Variants in AKAP19 observed in about 807,000 individuals in gnomAD.
AKAP19 encodes A-kinase anchoring protein 19, also known as small A-kinase anchoring protein.
the AKAP19 span, among the ~76,000 whole-genome samples, chr2:189,944,189 A>G: frequency 9.9e-5 from 15 of 152,138 alleles, no homozygotes; most frequent in East Asian, 1.9e-3. Context: ...GTAATCCCCA[A>G]TGCTGGAGCG....
chr2:190,114,034 C>T, the AKAP19 span, among the ~76,000 whole-genome samples: 1 of 151,940 alleles, frequency 6.6e-6, no homozygotes, highest in African/African-American at 2.4e-5. Context: ...TACTTTTATT[C>T]TTCTGTTGGT....
chr2:189,998,624 G>A, the AKAP19 span, among the ~76,000 whole-genome samples: 7 of 151,786 alleles, frequency 4.6e-5, no homozygotes, highest in African/African-American at 1.7e-4. Context: ...TTGGTGATTT[G>A]TTTCTTCTCT....
chr2:189,995,170 G>T, the AKAP19 span, among the ~76,000 whole-genome samples: 2 of 152,154 alleles, frequency 1.3e-5, no homozygotes, highest in Non-Finnish European at 2.9e-5. Flanking sequence ...TAAGTCCATT[G>T]TGTCTTTGTT....
chr2:189,934,048 C>T, the AKAP19 span, among the ~76,000 whole-genome samples: 151,585 of 152,228 alleles, frequency 1, 75,480 homozygotes, highest in East Asian at 1. Flanking sequence ...GTCATCTAAA[C>T]TCTTTGTAAG....
chr2:189,936,960 T>C, the AKAP19 span, among the ~76,000 whole-genome samples: 19 of 152,148 alleles, frequency 1.2e-4, no homozygotes, highest in African/African-American at 4.6e-4. Context: ...CCCCTGTCCC[T>C]GTCAGTGCAC....
At chr2:189,892,204 T>A in the AKAP19 span, among the ~76,000 whole-genome samples, 1 of 151,978 alleles carries the variant, frequency 6.6e-6, no homozygotes, top group African/African-American at 2.4e-5. Flanking sequence ...GAGGAGTTCG[T>A]TATTACCCAC....
chr2:190,026,651 A>G, the AKAP19 span, among the ~76,000 whole-genome samples: 1 of 152,180 alleles, frequency 6.6e-6, no homozygotes, highest in African/African-American at 2.4e-5. Flanking sequence ...GTACCTCCAA[A>G]TGACAGAATC....
At chr2:189,953,149 T>C in the AKAP19 span, among the ~76,000 whole-genome samples, 2 of 152,054 alleles carry the variant, frequency 1.3e-5, no homozygotes, top group Non-Finnish European at 2.9e-5. Flanking sequence ...AAGTCTGCAA[T>C]AGGGAAAGTG....
the AKAP19 span, among the ~76,000 whole-genome samples, chr2:190,111,146 A>C: frequency 1.3e-5 from 2 of 152,204 alleles, no homozygotes; most frequent in African/African-American, 4.8e-5. Flanking sequence ...ATACATGGGC[A>C]TAGCAAGGGG....
At chr2:190,002,421 G>A in the AKAP19 span, among the ~76,000 whole-genome samples, 1 of 152,084 alleles carries the variant, frequency 6.6e-6, no homozygotes, top group African/African-American at 2.4e-5. Context: ...AACTGTCCTG[G>A]AAGGCAGCCC....
chr2:190,065,324 T>TA, the AKAP19 span, among the ~76,000 whole-genome samples: 2 of 152,260 alleles, frequency 1.3e-5, no homozygotes, highest in African/African-American at 4.8e-5. Flanking sequence ...GTGTGATAGA[T>TA]ACAGAGTTTC....
the AKAP19 span, among the ~76,000 whole-genome samples, chr2:190,038,907 C>CTTTCTTTCTTTCT: frequency 1.2e-3 from 91 of 75,898 alleles, no homozygotes; most frequent in African/African-American, 7.8e-3. Flanking sequence ...TTTCTTTCTT[C>CTTTCTTTCTTTCT]TTCTTCTTCT....
At chr2:190,166,932 A>C in the AKAP19 span, among the ~76,000 whole-genome samples, 1 of 152,322 alleles carries the variant, frequency 6.6e-6, no homozygotes, top group Non-Finnish European at 1.5e-5. Flanking sequence ...TGACATGAGG[A>C]CTAGAAATGA....
the AKAP19 span, among the ~76,000 whole-genome samples, chr2:189,987,181 T>C: frequency 3.9e-5 from 6 of 152,156 alleles, no homozygotes; most frequent in African/African-American, 1.4e-4. Context: ...GGTCTTTCCA[T>C]GCTATTCTTG....
chr2:189,883,144 G>T, the AKAP19 span, among the ~76,000 whole-genome samples: 1 of 152,096 alleles, frequency 6.6e-6, no homozygotes, highest in African/African-American at 2.4e-5. Context: ...AGCGCTGATT[G>T]TTAGACACTG....
chr2:190,173,669 G>A, the AKAP19 span, among the ~76,000 whole-genome samples: 3 of 152,134 alleles, frequency 2.0e-5, no homozygotes, highest in Non-Finnish European at 2.9e-5. Context: ...CCAGACCATC[G>A]TCTTCTAAGT....
the AKAP19 span, among the ~76,000 whole-genome samples, chr2:189,926,201 G>C: frequency 1.3e-5 from 2 of 152,194 alleles, no homozygotes; most frequent in Admixed American, 1.3e-4. Flanking sequence ...TGTTTATGGA[G>C]CTTTCCATTT....
chr2:190,022,376 A>G, the AKAP19 span, among the ~76,000 whole-genome samples: 1 of 152,194 alleles, frequency 6.6e-6, no homozygotes, highest in African/African-American at 2.4e-5. Flanking sequence ...AATAATTATT[A>G]TGAAAATCAT....
the AKAP19 span, among the ~76,000 whole-genome samples, chr2:190,158,718 G>A: frequency 6.6e-6 from 1 of 152,180 alleles, no homozygotes; most frequent in Non-Finnish European, 1.5e-5. Context: ...AGTGGACCCA[G>A]GTCCCAAAGT....
Sources: gnomAD v4.1 joint callset for allele counts (sites outside exome capture counted in the v4.1 genomes callset) on GRCh38, gnomAD v4.1.1 for gene constraint, MANE v1.5 for transcripts, NCBI Gene and HGNC (gene_info 2026-07-23, HGNC 2026-07-21) for gene names.